The following NEDD9 variants were observed in gnomAD, a reference collection of about 807,000 sequenced individuals.
NEDD9 encodes enhancer of filamentation 1.
A neutral mutation model predicts 76.6 loss-of-function variants in NEDD9; 26 were observed. The ratio of observed to expected loss-of-function variants is 0.34; its 90% CI spans 0.25 to 0.47. NEDD9 has a LOEUF of 0.47. Ranked by LOEUF, NEDD9 falls within the 20% of genes least tolerant of loss-of-function variation. The pLI, the probability that NEDD9 is intolerant of heterozygous loss-of-function variation, is 1.00. For synonymous variants in NEDD9, 392 were observed against 414.2 expected, an observed-to-expected ratio of 0.95 and a Z score of 0.65; for missense variants, 937 against 1,058.5, an observed-to-expected ratio of 0.89 and a Z score of 1.59.
rs75796440 is a variant in NEDD9, at chr6:11,324,450, C to T, written c.-153+10051G>A. Among the ~76,000 whole-genome samples the T allele has an allele frequency of 7.2e-4, 109 of 152,284 alleles. 3 individuals are homozygous for T. The East Asian group carries it at 0.018, about 25-fold the overall frequency. ...CACCATTTTCATGCATGGTGCCACC[C>T]CACGTGCAGGGCCAGCTTCATGGCA... On this transcript the variant is annotated intron_variant, in intron 2 of 3. Transcript: ENST00000397378.
Position 11,360,841 on chromosome 6 carries a change from G to A in NEDD9, c.-214+21298C>T, listed in dbSNP as rs114562061. 1.5e-3 allele frequency among the ~76,000 whole-genome samples: 221 copies of A among 152,282 alleles called. 2 individuals carry two copies. The highest frequency in any genetic ancestry group is 5.2e-3 in the African/African-American group (214 of 41,552). ...GAAGGCTACCACTCCTTGCCTACAT[G>A]CAGAATTCAAGAAACAACAATGAGC... On this transcript the variant is annotated intron_variant, in intron 1 of 3. Coordinates refer to the NEDD9 transcript ENST00000397378.
At chr6:11,306,483 G>T (rs1761187406) in intron 2 of NEDD9, among the ~76,000 whole-genome samples, 1 of 152,206 alleles carries the variant, frequency 6.6e-6, no homozygotes, top group African/African-American at 2.4e-5. Context: ...ACAAAGGAAG[G>T]TCAATCTTGG....
intron 3 of NEDD9, among the ~76,000 whole-genome samples, chr6:11,275,454 G>A (rs1212862122): frequency 6.6e-6 from 1 of 151,276 alleles, no homozygotes; most frequent in Non-Finnish European, 1.5e-5. Flanking sequence ...ATGTTAATTA[G>A]CTTGATTTAG....
chr6:11,295,592 G>T lies in NEDD9; in HGVS notation c.12+10400C>A, dbSNP rs73721528. ...AGGCACAGCACACCTCCTCCCTCGG[G>T]TGGCCTGTTTACAGTGACTGTCTAG... On this transcript the variant is annotated intron_variant, in intron 3 of 3. Coordinates refer to the NEDD9 transcript ENST00000397378. Among the ~76,000 whole-genome samples, 1,109 of 152,246 alleles carry T rather than the reference G, an allele frequency of 7.3e-3. 18 individuals are homozygous for T. The highest frequency in any genetic ancestry group is 0.025 in the African/African-American group (1,048 of 41,536).
At chr6:11,194,714 G>A (rs1028625393) in intron 2 of NEDD9, among the ~76,000 whole-genome samples, 2 of 152,164 alleles carry the variant, frequency 1.3e-5, no homozygotes, top group African/African-American at 4.8e-5. Context: ...TACGTCAAGG[G>A]ATATCAGAAG....
chr6:11,244,570 A>G (rs1276539267), intron 3 of NEDD9, among the ~76,000 whole-genome samples: 1 of 152,022 alleles, frequency 6.6e-6, no homozygotes, highest in Non-Finnish European at 1.5e-5. Context: ...CCCAACCACC[A>G]CTCAGGCCTG....
intron 1 of NEDD9, among the ~76,000 whole-genome samples, chr6:11,344,088 T>A (rs1043254801): frequency 5.9e-5 from 9 of 152,226 alleles, no homozygotes; most frequent in African/African-American, 2.2e-4. Context: ...ATCTACTACA[T>A]CCTGGCCTCT....
intron 2 of NEDD9, chr6:11,328,914 C>A (rs1245005037): frequency 6.6e-6 from 1 of 152,226 alleles, no homozygotes; most frequent in African/African-American, 2.4e-5. Flanking sequence ...ACAAAGGAGG[C>A]CAGGACCATA....
rs559243967 is a variant in NEDD9 at position 11,358,163 on chromosome 6, C to A, written c.-213-23602G>T. Among the ~76,000 whole-genome samples the A allele has an allele frequency of 3.4e-5, 5 of 144,950 alleles. No individual in the cohort carries two copies. The East Asian group carries it at 1.0e-3, about 30-fold the overall frequency. On this transcript the variant is annotated intron_variant, in intron 1 of 3. Transcript: ENST00000397378. ...ACTCGGGAGGCTGAGGCAGGGGAAT[C>A]GCTTGAATCCGGAAGGCGGAGGTTG...
intron 2 of NEDD9, among the ~76,000 whole-genome samples, chr6:11,209,973 T>TTTTTTTTTTTTTG: frequency 6.7e-6 from 1 of 150,238 alleles, no homozygotes; most frequent in East Asian, 2.0e-4. Context: ...TCACTGTCTT[T>TTTTTTTTTTTTTG]TTTTTTTCCT....
intron 1 of NEDD9, among the ~76,000 whole-genome samples, chr6:11,355,752 GCT>G (rs1161488115): frequency 3.3e-5 from 5 of 151,350 alleles, no homozygotes; most frequent in African/African-American, 1.2e-4. Context: ...ACAGAGTCTC[GCT>G]CTGTCGCCCA....
At chr6:11,348,514 C>A (rs192860754) in intron 1 of NEDD9, among the ~76,000 whole-genome samples, 21 of 152,290 alleles carry the variant, frequency 1.4e-4, no homozygotes, top group Admixed American at 2.6e-4. Flanking sequence ...AGGTAACACA[C>A]TACCCAACTT....
intron 3 of NEDD9, among the ~76,000 whole-genome samples, chr6:11,245,762 C>A (rs1254554894): frequency 6.6e-6 from 1 of 152,172 alleles, no homozygotes; most frequent in African/African-American, 2.4e-5. Flanking sequence ...AATACTTTAG[C>A]ACATTTTTCC....
intron 3 of NEDD9, among the ~76,000 whole-genome samples, chr6:11,245,049 C>T (rs919000201): frequency 1.3e-5 from 2 of 152,210 alleles, no homozygotes; most frequent in Admixed American, 6.5e-5. Context: ...CTTTGCACCC[C>T]CTGTGGCAGC....
intron 2 of NEDD9, among the ~76,000 whole-genome samples, chr6:11,332,993 A>G (rs1205765890): frequency 1.3e-5 from 2 of 150,712 alleles, no homozygotes; most frequent in African/African-American, 4.9e-5. Context: ...AAATAAGACA[A>G]AGTAAAAGCA....
intron 1 of NEDD9, among the ~76,000 whole-genome samples, chr6:11,231,901 T>C (rs1759479454): frequency 6.6e-6 from 1 of 152,184 alleles, no homozygotes; most frequent in African/African-American, 2.4e-5. Context: ...CCAATAAAAA[T>C]GTTTTCAAGA....
intron 1 of NEDD9, among the ~76,000 whole-genome samples, chr6:11,223,417 C>T (rs562157659): frequency 6.6e-6 from 1 of 152,028 alleles, no homozygotes; most frequent in East Asian, 1.9e-4. Flanking sequence ...TATTACTGCG[C>T]CAAGATGAGC....
chr6:11,293,835 C>G (rs4713349), intron 3 of NEDD9, among the ~76,000 whole-genome samples: 33,151 of 152,106 alleles, frequency 0.22, 4,317 homozygotes, highest in African/African-American at 0.37. Context: ...CTACTTTCTG[C>G]TTCTATGAGT....
At chr6:11,254,322 T>C (rs1385458582) in intron 3 of NEDD9, among the ~76,000 whole-genome samples, 1 of 152,098 alleles carries the variant, frequency 6.6e-6, no homozygotes, top group African/African-American at 2.4e-5. Flanking sequence ...GGTTTCGCCA[T>C]ATTGGCCAGG....
Sources: gnomAD v4.1 joint callset for allele counts (sites outside exome capture counted in the v4.1 genomes callset) on GRCh38, gnomAD v4.1.1 for gene constraint, MANE v1.5 for transcripts, NCBI Gene and HGNC (gene_info 2026-07-23, HGNC 2026-07-21) for gene names.